VPS8: variants seen among roughly 807,000 people sequenced by gnomAD.
The protein encoded by VPS8 is vacuolar protein sorting-associated protein 8 homolog.
In VPS8, 129 loss-of-function variants were observed where a neutral mutation model predicts 216.4. That is an observed-to-expected ratio of 0.60 (90% CI 0.52 to 0.69). VPS8 has a LOEUF of 0.69. VPS8 is among the 30% of genes least tolerant of loss of function. The probability of loss-of-function intolerance (pLI) is 0.00; values close to 1 mark genes in which losing one functional copy is unlikely to be tolerated. For missense variants in VPS8, 1,531 were observed against 1,683.5 expected, an observed-to-expected ratio of 0.91 and a Z score of 1.59; for synonymous variants, 571 against 565.4, an observed-to-expected ratio of 1.01 and a Z score of -0.14.
At chr3:184,854,549 C>G (rs1295350995) in intron 13 of VPS8, among the ~76,000 whole-genome samples, 2 of 152,174 alleles carry the variant, frequency 1.3e-5, no homozygotes, top group African/African-American at 4.8e-5. Context: ...CGTTGCCCTT[C>G]TGAGTGCAGT....
intron 40 of VPS8, among the ~76,000 whole-genome samples, chr3:184,979,286 G>GT (rs1368436170): frequency 1.3e-5 from 2 of 152,138 alleles, no homozygotes; most frequent in Non-Finnish European, 2.9e-5. Flanking sequence ...TTATTATTGG[G>GT]TGGAATGTTC....
At chr3:184,949,688 G>A (rs1165771640) in intron 36 of VPS8, among the ~76,000 whole-genome samples, 2 of 152,084 alleles carry the variant, frequency 1.3e-5, no homozygotes, top group Non-Finnish European at 2.9e-5. Flanking sequence ...TATAGATACT[G>A]TCTTTACTAC....
chr3:184,915,950 C>T (rs1455844434), intron 28 of VPS8, among the ~76,000 whole-genome samples: 3 of 151,956 alleles, frequency 2.0e-5, no homozygotes, highest in African/African-American at 4.8e-5. Context: ...TCTCTAGTTC[C>T]TTGCCTTCCT....
chr3:184,908,007 G>A (rs1175348073), intron 25 of VPS8, among the ~76,000 whole-genome samples: 3 of 152,104 alleles, frequency 2.0e-5, no homozygotes, highest in Non-Finnish European at 4.4e-5. Context: ...CAAAAGCCCC[G>A]CAGATCTCCC....
At chr3:185,035,418 C>T (rs1758749043) in intron 46 of VPS8, among the ~76,000 whole-genome samples, 1 of 152,116 alleles carries the variant, frequency 6.6e-6, no homozygotes, top group Admixed American at 6.5e-5. Context: ...CCACAATCAG[C>T]TGGGCATTAT....
In VPS8 at chr3:184,851,284, A is replaced by G. The variant is rs532553321; in HGVS notation, c.754-1216A>G. Among the ~76,000 whole-genome samples the G allele has an allele frequency of 2.0e-3, 312 of 152,338 alleles. 3 individuals carry two copies. Among genetic ancestry groups the G allele is most frequent in the Middle Eastern group, 0.02 (6 of 294 alleles). ...GTAGGAGCCATTGTGTTGCTTGACAATGGTGATGAAGGTGGTACATGTAGA... is the reference window on the plus strand; with the variant it reads ...GTAGGAGCCATTGTGTTGCTTGACAGTGGTGATGAAGGTGGTACATGTAGA... On this transcript the variant is annotated intron_variant, in intron 10 of 47. Coordinates refer to ENST00000625842, the MANE Select transcript of VPS8 (RefSeq NM_001009921.3).
chr3:184,823,062 G>A (rs577817422), intron 1 of VPS8, among the ~76,000 whole-genome samples: 1 of 152,072 alleles, frequency 6.6e-6, no homozygotes, highest in Non-Finnish European at 1.5e-5. Flanking sequence ...ATTTATACAA[G>A]GTAACTATTC....
At chr3:184,839,003 A>G (rs1721623588) in intron 6 of VPS8, 2 of 358,050 alleles carry the variant, frequency 5.6e-6, no homozygotes, top group African/African-American at 2.1e-5. Context: ...ATTTGTTTGT[A>G]GTACTACCCT....
Position 184,957,410 on chromosome 3 carries a change from A to G in VPS8, c.3072A>G (p.Ile1024Met), listed in dbSNP as rs1179982662. 6.2e-7 allele frequency: 1 copy of G among 1,611,756 alleles called. No homozygotes were observed. The highest frequency in any genetic ancestry group is 8.5e-7 in the Non-Finnish European group (1 of 1,178,884). Residue 1024 changes from isoleucine to methionine, a missense_variant, in exon 37 of 48, where the codon ATA becomes ATG. Around this residue, in one of 3 missense-constraint regions of VPS8, gnomAD observed 1,318 missense variants for 1,468.4 expected, o/e 0.90. Transcript: ENST00000625842. ...GIHVNQELLQ[I>M]SPCITEQFIE... Reference sequence around the variant, plus strand: ...ATGTAAATCAAGAATTACTGCAAATATCTCCTTGTATCACAGAGCAGTTCA... The same window carrying G: ...ATGTAAATCAAGAATTACTGCAAATGTCTCCTTGTATCACAGAGCAGTTCA...
intron 23 of VPS8, among the ~76,000 whole-genome samples, chr3:184,895,621 TCCTCCTCCCCCCCCC>T: frequency 8.5e-4 from 2 of 2,340 alleles, no homozygotes; most frequent in Non-Finnish European, 2.8e-3. Flanking sequence ...CCTCCCCCCC[TCCTCCTCCCCCCCCC>T]CCCACTCTCT....
Position 184,821,173 on chromosome 3 carries a change from G to T in VPS8, c.-88-3372G>T, listed in dbSNP as rs540011116. On this transcript the variant is annotated intron_variant, in intron 1 of 47. Transcript: ENST00000625842. ...TCCTCACAGGAGCCCTGCAGAGTAG[G>T]TAGTTGCATTTATAAGAGCCAGGAC... 8.5e-5 allele frequency among the ~76,000 whole-genome samples: 13 copies of T among 152,256 alleles called. No individual in the cohort carries two copies. In the East Asian group the frequency reaches 2.5e-3, roughly 29 times the overall value.
At chr3:184,847,140 T>C (rs1322074367) in intron 8 of VPS8, among the ~76,000 whole-genome samples, 1 of 152,234 alleles carries the variant, frequency 6.6e-6, no homozygotes, top group African/African-American at 2.4e-5. Context: ...TCCTTTTCAG[T>C]GTTCACCTTG....
At chr3:184,820,500 A>G (rs981818784) in intron 1 of VPS8, among the ~76,000 whole-genome samples, 9 of 152,232 alleles carry the variant, frequency 5.9e-5, no homozygotes, top group African/African-American at 2.2e-4. Context: ...CCCTTTTGCC[A>G]TATCAAGTAA....
chr3:184,985,619 G>T (rs1750941657), intron 42 of VPS8, among the ~76,000 whole-genome samples: 1 of 152,198 alleles, frequency 6.6e-6, no homozygotes, highest in African/African-American at 2.4e-5. Flanking sequence ...CTGTGGGAAA[G>T]TGTGACCCTG....
chr3:184,842,193 A>AAAAAAAAAAAAAAAAAAAAAAAAAAAAC, intron 7 of VPS8, among the ~76,000 whole-genome samples: 1 of 148,788 alleles, frequency 6.7e-6, no homozygotes, highest in Non-Finnish European at 1.5e-5. Context: ...TCTCAAAAAA[A>AAAAAAAAAAAAAAAAAAAAAAAAAAAAC]AAAAAAAAAA....
intron 40 of VPS8, among the ~76,000 whole-genome samples, chr3:184,980,993 A>T (rs946332862): frequency 2.0e-5 from 3 of 152,000 alleles, no homozygotes; most frequent in African/African-American, 7.2e-5. Flanking sequence ...TTGCTTTTGT[A>T]TTCTTTGATG....
At chr3:184,990,850 T>C (rs1751803984) in intron 42 of VPS8, among the ~76,000 whole-genome samples, 3 of 151,936 alleles carry the variant, frequency 2.0e-5, no homozygotes, top group African/African-American at 7.2e-5. Context: ...AGTGGTCACA[T>C]GATAAGAGGT....
At position 184,863,073 on chromosome 3, in the gene VPS8, G is replaced by A. The variant is rs368128733; in HGVS notation, c.1395+6G>A. On this transcript the variant is annotated splice_donor_region_variant and intron_variant, in intron 16 of 47. Coordinates refer to ENST00000625842, the MANE Select transcript of VPS8 (RefSeq NM_001009921.3). Reference sequence around the variant, plus strand: ...GAAATGTTAGCCAGGCACTGGTAAGGATAATCACTTATCTTGCTATCCTAG... The same window carrying A: ...GAAATGTTAGCCAGGCACTGGTAAGAATAATCACTTATCTTGCTATCCTAG... The A allele has an allele frequency of 2.4e-4, 386 of 1,612,416 alleles. 1 individual carries two copies. Among genetic ancestry groups the A allele is most frequent in the Non-Finnish European group, 3.0e-4 (348 of 1,179,064 alleles).
chr3:184,999,802 G>A lies in VPS8; in HGVS notation c.3943G>A (p.Val1315Ile). The part of the protein sequence containing the change: ...TCYKCSSSNK[V>I]GKLSENSSEI... The stretch of plus-strand genomic sequence containing the variant: ...CTACAAATGCAGTTCAAGTAACAAA[G>A]TAGGAAAACTCAGTGAAAATTCATC... The change falls in exon 45 of 48, where the codon GTA (valine) becomes ATA (isoleucine). Residue 1315 changes from valine to isoleucine, a missense_variant. Coordinates refer to ENST00000625842, the MANE Select transcript of VPS8 (RefSeq NM_001009921.3). 1 of 1,612,728 alleles carries A rather than the reference G, an allele frequency of 6.2e-7. No homozygotes were observed. Among genetic ancestry groups the A allele is most frequent in the South Asian group, 1.1e-5 (1 of 90,678 alleles).
Sources: gnomAD v4.1 joint callset for allele counts (sites outside exome capture counted in the v4.1 genomes callset) on GRCh38, gnomAD v4.1.1 for gene constraint, gnomAD v4.1.1 regional missense constraint, MANE v1.5 for transcripts, NCBI Gene and HGNC (gene_info 2026-07-23, HGNC 2026-07-21) for gene names.